The following TNFSF8 variants were observed in gnomAD, a reference collection of about 807,000 sequenced individuals.
TNFSF8 encodes tumor necrosis factor ligand superfamily member 8.
TNFSF8 carries 4 observed loss-of-function variants against 22.0 expected under a neutral mutation model. The ratio of observed to expected loss-of-function variants is 0.18; its 90% CI spans 0.09 to 0.42. The LOEUF is 0.42. TNFSF8 is among the 10% of genes least tolerant of loss of function. The pLI, the probability that TNFSF8 is intolerant of heterozygous loss-of-function variation, is 1.00. For synonymous variants in TNFSF8, 106 were observed against 112.5 expected (o/e 0.94, Z 0.37); for missense variants, 233 against 281.8 (o/e 0.83, Z 1.24).
Position 114,903,985 on chromosome 9 carries a change from G to A in TNFSF8, c.651C>T (p.Ser217=). The A allele has an allele frequency of 1.2e-6, 2 of 1,614,038 alleles. No individual in the cohort carries two copies. The highest frequency in any genetic ancestry group is 8.5e-7 in the Non-Finnish European group (1 of 1,179,942). The change falls in exon 4 of 4, where the codon AGC becomes AGT. Residue 217 remains serine (S), a synonymous_variant. Transcript: ENST00000223795. Reference sequence around the variant, plus strand: ...ACAACACATTCTCAAGAGGAAAGGTGCTTGTATCTATGTACTGGAATGTAT... The same window carrying A: ...ACAACACATTCTCAAGAGGAAAGGTACTTGTATCTATGTACTGGAATGTAT... The part of the protein sequence containing the change: ...NVDTFQYIDT[S]TFPLENVLSI...
intron 4 of TNFSF8, among the ~76,000 whole-genome samples, chr9:114,895,452 A>G (rs1285806472): frequency 6.6e-6 from 1 of 152,226 alleles, no homozygotes; most frequent in African/African-American, 2.4e-5. Flanking sequence ...TTGGCCTGAC[A>G]GAGACCTTTG....
chr9:114,894,165 C>G lies in TNFSF8; in HGVS notation c.410-1G>C. 18 of 1,534,158 alleles carry G rather than the reference C, an allele frequency of 1.2e-5. No individual in the cohort carries two copies. Among genetic ancestry groups the G allele is most frequent in the Non-Finnish European group, 1.6e-5 (18 of 1,145,656 alleles). ...TGGTGGAGGATCATGCCACAGTAAT[C>G]TGGAAGAAAGAATAACTTTACTTTG... On this transcript the variant is annotated splice_acceptor_variant, in intron 4 of 4. Coordinates refer to the TNFSF8 transcript ENST00000618336. LOFTEE classifies it high-confidence loss of function.
At chr9:114,907,414 T>C (rs1441257799) in intron 2 of TNFSF8, among the ~76,000 whole-genome samples, 1 of 152,214 alleles carries the variant, frequency 6.6e-6, no homozygotes, top group Non-Finnish European at 1.5e-5. Flanking sequence ...CACTAATGGC[T>C]GCTTATGCTC....
chr9:114,923,524 T>TTCTTTCTTTCTTTC (rs796199156), intron 1 of TNFSF8, among the ~76,000 whole-genome samples: 5 of 139,110 alleles, frequency 3.6e-5, no homozygotes, highest in African/African-American at 5.3e-5. Context: ...CTTTCTTTCT[T>TTCTTTCTTTCTTTC]TTTTTTTTTT....
intron 2 of TNFSF8, among the ~76,000 whole-genome samples, chr9:114,915,554 C>T (rs548448533): frequency 2.4e-4 from 37 of 152,252 alleles, no homozygotes; most frequent in East Asian, 1.2e-3. Flanking sequence ...TGGTGGAAGC[C>T]GGTCATGCAG....
At chr9:114,914,407 G>T (rs946428328) in intron 2 of TNFSF8, among the ~76,000 whole-genome samples, 1 of 152,202 alleles carries the variant, frequency 6.6e-6, no homozygotes, top group Non-Finnish European at 1.5e-5. Context: ...GGCAAAAGTG[G>T]CTGTCTTCTC....
Position 114,903,738 on chromosome 9 carries a change from A to G in TNFSF8, c.*193T>C. On this transcript the variant is annotated 3_prime_UTR_variant, in exon 4 of 4. Transcript: ENST00000223795. ...ACATTGCTTCCCTGCCTGCTATCTG[A>G]AAGATACTTCACTAAAAACTCTCTT... is the stretch of plus-strand genomic sequence containing the variant. The G allele has an allele frequency of 1.5e-6, 2 of 1,349,278 alleles. No homozygotes were observed. Among genetic ancestry groups the G allele is most frequent in the Non-Finnish European group, 1.9e-6 (2 of 1,055,244 alleles). 83.6% of individuals were successfully genotyped at this position (1,349,278 alleles called of 1,614,324 possible).
intron 2 of TNFSF8, among the ~76,000 whole-genome samples, chr9:114,915,408 T>A (rs776554534): frequency 6.6e-6 from 1 of 152,216 alleles, no homozygotes; most frequent in African/African-American, 2.4e-5. Context: ...ATGTGGTCAG[T>A]TCTGGAGCCC....
At position 114,902,053 on chromosome 9, in the gene TNFSF8, T is replaced by C; in HGVS notation, c.*1878A>G. On this transcript the variant is annotated 3_prime_UTR_variant, in exon 4 of 4. Transcript: ENST00000223795. Reference sequence around the variant, plus strand: ...TTTTGGTATAGCAGGGAAGCTTCCATCTTTTTTTACTGAAGCATAACATCA... The same window carrying C: ...TTTTGGTATAGCAGGGAAGCTTCCACCTTTTTTTACTGAAGCATAACATCA... 5 of 985,434 alleles carry C rather than the reference T, an allele frequency of 5.1e-6. No individual in the cohort carries two copies. Among genetic ancestry groups the C allele is most frequent in the Non-Finnish European group, 6.0e-6 (5 of 829,918 alleles). 61.0% of individuals were successfully genotyped at this position (985,434 alleles called of 1,614,324 possible). A position where few individuals can be genotyped will look rare whatever the true frequency, so the allele number is the denominator to read the frequency against.
At chr9:114,907,476 C>G (rs1333432359) in intron 2 of TNFSF8, among the ~76,000 whole-genome samples, 1 of 152,166 alleles carries the variant, frequency 6.6e-6, no homozygotes, top group African/African-American at 2.4e-5. Context: ...GCCTCCTACT[C>G]TAAGCTGCAG....
Position 114,903,562 on chromosome 9 carries a change from G to T in TNFSF8, c.*369C>A. On this transcript the variant is annotated 3_prime_UTR_variant, in exon 4 of 4. Transcript: ENST00000223795. ...CTCCCCTTCATTTCCCATTAGGGCAGAGTTGCTAGCTGCTCTGGTACTGGA... is the reference window on the plus strand; with the variant it reads ...CTCCCCTTCATTTCCCATTAGGGCATAGTTGCTAGCTGCTCTGGTACTGGA... The T allele has an allele frequency of 3.2e-6, 1 of 310,366 alleles. No individual in the cohort carries two copies. 19.2% of individuals were successfully genotyped at this position (310,366 alleles called of 1,614,324 possible).
chr9:114,906,294 G>A (rs1413807448), intron 2 of TNFSF8, among the ~76,000 whole-genome samples: 3 of 152,238 alleles, frequency 2.0e-5, no homozygotes, highest in African/African-American at 7.2e-5. Context: ...GGGCCACGCA[G>A]GTGAAATACA....
chr9:114,906,033 T>C, intron 2 of TNFSF8, 134 bp from the exon 3 acceptor site: 1 of 608,380 alleles, frequency 1.6e-6, no homozygotes, highest in South Asian at 2.2e-5. Flanking sequence ...GGAGAAAAGC[T>C]CTTTATTTCT....
rs1827735847 is a variant in TNFSF8, at chr9:114,903,010, T to C, written c.*921A>G. 1 of 152,746 alleles carries C rather than the reference T, an allele frequency of 6.5e-6. No homozygotes were observed. Among genetic ancestry groups the C allele is most frequent in the Non-Finnish European group, 1.5e-5 (1 of 68,516 alleles). The allele number at this position is 152,746 out of a possible 1,614,324, so 9.5% of individuals were successfully genotyped here. On this transcript the variant is annotated 3_prime_UTR_variant, in exon 4 of 4. Transcript: ENST00000223795. The stretch of plus-strand genomic sequence containing the variant: ...CATCTTTCCTGCCTAGCAGACTGGA[T>C]TCCCCACTTCTCTGTTGCTTCCTTC...
chr9:114,894,261 A>C (rs932144033), intron 4 of TNFSF8: 3 of 1,002,888 alleles, frequency 3.0e-6, no homozygotes, highest in Non-Finnish European at 4.5e-6. Context: ...TTTAGCAGGG[A>C]GGCAAATGTA....
chr9:114,894,624 G>A (rs944885046), intron 4 of TNFSF8, among the ~76,000 whole-genome samples: 3 of 152,186 alleles, frequency 2.0e-5, no homozygotes, highest in African/African-American at 4.8e-5. Context: ...TCTGCAACAT[G>A]GGAATGGTCA....
At chr9:114,917,953 T>C in intron 2 of TNFSF8, 143 bp downstream of exon 2, 1 of 700,990 alleles carries the variant, frequency 1.4e-6, no homozygotes, top group Non-Finnish European at 2.3e-6. Flanking sequence ...AGCTCAGTCC[T>C]GAACAGCCCT....
chr9:114,925,789 C>G (rs535480180), intron 1 of TNFSF8, among the ~76,000 whole-genome samples: 1 of 152,208 alleles, frequency 6.6e-6, no homozygotes, highest in South Asian at 2.1e-4. Flanking sequence ...TATACTCCAA[C>G]CTTTTGGAAT....
chr9:114,924,442 C>T (rs1828032316), intron 1 of TNFSF8, among the ~76,000 whole-genome samples: 1 of 152,150 alleles, frequency 6.6e-6, no homozygotes, highest in African/African-American at 2.4e-5. Context: ...TTAATATTAA[C>T]TCTCTTGGCA....
Sources: allele counts gnomAD v4.1 joint callset (sites outside exome capture counted in the v4.1 genomes callset), GRCh38; gene constraint gnomAD v4.1.1; transcripts MANE v1.5; gene names NCBI Gene and HGNC (gene_info 2026-07-23, HGNC 2026-07-21).